Variants in TNS3 observed in about 807,000 individuals in gnomAD.
TNS3 encodes tensin 3.
TNS3 carries 45 observed loss-of-function variants against 140.9 expected under a neutral mutation model. That is an observed-to-expected ratio of 0.32 (90% CI 0.25 to 0.41). TNS3 has a LOEUF of 0.41. TNS3 is among the 10% of genes least tolerant of loss of function. TNS3 has a pLI of 1.00. For synonymous variants in TNS3, 815 were observed against 788.4 expected (o/e 1.03, Z -0.56); for missense variants, 1,716 against 1,906.7 (o/e 0.90, Z 1.86).
At chr7:47,314,178 C>T (rs1043050708) in intron 20 of TNS3, among the ~76,000 whole-genome samples, 1 of 152,212 alleles carries the variant, frequency 6.6e-6, no homozygotes, top group Non-Finnish European at 1.5e-5. Flanking sequence ...GGGTGAGTGT[C>T]ACATCTTCAG....
intron 1 of TNS3, chr7:47,539,053 C>T (rs1261280104): frequency 2.2e-6 from 1 of 456,684 alleles, no homozygotes; most frequent in East Asian, 6.9e-5. Context: ...CAGAGGTCAG[C>T]TGGATCTACC....
chr7:47,443,199 CTT>C (rs1795555867), intron 4 of TNS3, among the ~76,000 whole-genome samples: 1 of 152,176 alleles, frequency 6.6e-6, no homozygotes, highest in Non-Finnish European at 1.5e-5. Context: ...TGTCTCCTGC[CTT>C]TTGAAGTGAG....
intron 4 of TNS3, among the ~76,000 whole-genome samples, chr7:47,474,679 A>G (rs1196929767): frequency 6.9e-6 from 1 of 145,112 alleles, no homozygotes; most frequent in Admixed American, 6.9e-5. Flanking sequence ...ACACACACAA[A>G]ACACCTCACA....
intron 2 of TNS3, among the ~76,000 whole-genome samples, chr7:47,527,465 T>C (rs1419192385): frequency 6.6e-6 from 1 of 152,110 alleles, no homozygotes; most frequent in Admixed American, 6.5e-5. Flanking sequence ...ATCAGTGCAA[T>C]TTCTCATCAC....
Position 47,302,878 on chromosome 7 carries a change from G to A in TNS3, c.3457+72C>T. 2.7e-6 allele frequency: 4 copies of A among 1,508,702 alleles called. No individual in the cohort carries two copies. In the African/African-American group the frequency reaches 5.6e-5, roughly 21 times the overall value. The allele number at this position is 1,508,702 out of a possible 1,614,324, so 93.5% of individuals were successfully genotyped here. ...GCACTAGAGATATGCCAGCTCAGCTGCAGGTCTGAACCCTTCCCTTCCCCA... is the reference window on the plus strand; with the variant it reads ...GCACTAGAGATATGCCAGCTCAGCTACAGGTCTGAACCCTTCCCTTCCCCA... On this transcript the variant is annotated intron_variant, in intron 22 of 30. Transcript: ENST00000311160.
intron 20 of TNS3, among the ~76,000 whole-genome samples, chr7:47,319,446 C>T (rs1284396081): frequency 2.6e-5 from 4 of 151,976 alleles, no homozygotes; most frequent in Admixed American, 2.6e-4. Flanking sequence ...GGGGAGGTGC[C>T]AGGCTCTTTT....
chr7:47,288,949 T>C (rs1041664050), intron 27 of TNS3, among the ~76,000 whole-genome samples: 6 of 152,210 alleles, frequency 3.9e-5, no homozygotes, highest in African/African-American at 1.4e-4. Flanking sequence ...CAGCTACATT[T>C]TTCATTTTGG....
At chr7:47,333,636 A>C (rs1210005162) in intron 20 of TNS3, among the ~76,000 whole-genome samples, 1 of 152,204 alleles carries the variant, frequency 6.6e-6, no homozygotes, top group Admixed American at 6.5e-5. Context: ...CGAGTACAGG[A>C]AAGAAAGAAG....
At position 47,432,540 on chromosome 7, in the gene TNS3, A is replaced by T. The variant is rs190388904; in HGVS notation, c.324+2742T>A. The stretch of plus-strand genomic sequence containing the variant: ...AGTAACAGAAAACAGACTAATGCAA[A>T]CTCTGCCAGAAAGCTGAAGAAATGC... On this transcript the variant is annotated intron_variant, in intron 8 of 30. Coordinates refer to ENST00000311160, the MANE Select transcript of TNS3 (RefSeq NM_022748.12). 3.3e-5 allele frequency among the ~76,000 whole-genome samples: 5 copies of T among 152,340 alleles called. No individual in the cohort carries two copies. In the East Asian group the frequency reaches 7.7e-4, roughly 23 times the overall value.
Position 47,291,968 on chromosome 7 carries a change from C to A in TNS3, c.3915G>T (p.Leu1305Phe). Residue 1305 changes from leucine (L) to phenylalanine (F), a missense_variant, in exon 27 of 31, where the codon TTG becomes TTT. By Grantham distance (22) the Leu-to-Phe change is conservative. This residue lies in a region of TNS3 where 216 missense variants were observed against 295.7 expected (regional missense o/e 0.73). Coordinates refer to ENST00000311160, the MANE Select transcript of TNS3 (RefSeq NM_022748.12). ...QTAANSAAEL[L>F]KQGAACNVWY... Reference sequence around the variant, plus strand: ...GCATTTACTGACCTGCCCCCTGCTTCAACAGCTCAGCTGCTGAATTGGCTG... The same window carrying A: ...GCATTTACTGACCTGCCCCCTGCTTAAACAGCTCAGCTGCTGAATTGGCTG... 1.2e-6 allele frequency: 2 copies of A among 1,614,162 alleles called. No homozygotes were observed. The highest frequency in any genetic ancestry group is 1.7e-6 in the Non-Finnish European group (2 of 1,180,002).
chr7:47,472,818 G>C (rs1423112281), intron 4 of TNS3, among the ~76,000 whole-genome samples: 2 of 152,122 alleles, frequency 1.3e-5, no homozygotes, highest in Non-Finnish European at 2.9e-5. Flanking sequence ...ACCCTCCCAG[G>C]GCTGAGGCCA....
intron 20 of TNS3, among the ~76,000 whole-genome samples, chr7:47,333,923 G>C (rs1314344107): frequency 6.6e-6 from 1 of 152,094 alleles, no homozygotes; most frequent in Non-Finnish European, 1.5e-5. Flanking sequence ...ACCATGCATG[G>C]CACACACATT....
chr7:47,434,295 A>G (rs1217989334), intron 8 of TNS3, among the ~76,000 whole-genome samples: 2 of 147,090 alleles, frequency 1.4e-5, no homozygotes, highest in Admixed American at 7.2e-5. Flanking sequence ...TTTTTAGTGT[A>G]AAAGAGTCCG....
chr7:47,392,532 T>A (rs1792588269), intron 16 of TNS3, among the ~76,000 whole-genome samples: 1 of 152,030 alleles, frequency 6.6e-6, no homozygotes, highest in African/African-American at 2.4e-5. Context: ...CCGCAATACA[T>A]CATTTTCCCA....
chr7:47,383,335 G>C (rs537020405), intron 16 of TNS3, among the ~76,000 whole-genome samples: 2 of 152,136 alleles, frequency 1.3e-5, no homozygotes, highest in African/African-American at 4.8e-5. Context: ...TGAGATGTCC[G>C]GAATGGGAAA....
chr7:47,387,312 C>T (rs992576789), intron 16 of TNS3, among the ~76,000 whole-genome samples: 1 of 152,168 alleles, frequency 6.6e-6, no homozygotes, highest in Non-Finnish European at 1.5e-5. Context: ...CCTTAAGAAC[C>T]AACTTGGAAT....
intron 4 of TNS3, among the ~76,000 whole-genome samples, chr7:47,464,303 C>T (rs1167376587): frequency 6.6e-6 from 1 of 152,118 alleles, no homozygotes; most frequent in Non-Finnish European, 1.5e-5. Flanking sequence ...TTCTGGAGCA[C>T]GTACGACAGA....
In TNS3 at chr7:47,389,168, GC is replaced by G. The variant is rs1236965479; in HGVS notation, c.1024+7631del. 1.0e-3 allele frequency among the ~76,000 whole-genome samples: 95 copies of G among 90,748 alleles called. 18 individuals carry two copies. The East Asian group carries it at 0.027, about 25-fold the overall frequency. The allele number at this position is 90,748 out of a possible 152,430, so 59.5% of individuals were successfully genotyped here. On this transcript the variant is annotated intron_variant, in intron 16 of 30. Coordinates refer to ENST00000311160, the MANE Select transcript of TNS3 (RefSeq NM_022748.12). ...AGAAGAAGAAGAAGCAGAAGAAGCA[GC>G]AGAAGCAGAAGAAGCAGAAGAAGAA...
intron 8 of TNS3, among the ~76,000 whole-genome samples, chr7:47,432,832 A>T (rs1402862459): frequency 6.6e-6 from 1 of 152,248 alleles, no homozygotes; most frequent in Non-Finnish European, 1.5e-5. Flanking sequence ...AGGATGTAGA[A>T]AACACAAGAG....
Sources: gnomAD v4.1 joint callset for allele counts (sites outside exome capture counted in the v4.1 genomes callset) on GRCh38, gnomAD v4.1.1 for gene constraint, gnomAD v4.1.1 regional missense constraint, MANE v1.5 for transcripts, NCBI Gene and HGNC (gene_info 2026-07-23, HGNC 2026-07-21) for gene names.